Variants in EYS observed in about 807,000 individuals in gnomAD.
EYS encodes protein eyes shut homolog.
Under a neutral mutation model 282.1 loss-of-function variants are expected in EYS, and 250 were observed. The ratio of observed to expected loss-of-function variants is 0.89; its 90% CI spans 0.80 to 0.98. The LOEUF (loss-of-function observed/expected upper bound fraction) is 0.98, where lower values mean the gene tolerates loss of function less well. Among genes scored for constraint, EYS ranks in the 50% least tolerant of loss-of-function variants. The pLI is 0.00. For synonymous variants in EYS, 1,355 were observed against 1,282.9 expected (o/e 1.06, Z -1.20); for missense variants, 4,016 against 3,709.0 (o/e 1.08, Z -2.15).
At chr6:64,392,080 C>T (rs1369501136) in intron 28 of EYS, among the ~76,000 whole-genome samples, 1 of 151,914 alleles carries the variant, frequency 6.6e-6, no homozygotes, top group Non-Finnish European at 1.5e-5. Flanking sequence ...AGCTAACTAT[C>T]CTAAATATAT....
intron 31 of EYS, among the ~76,000 whole-genome samples, chr6:64,205,195 G>C (rs1423106514): frequency 6.6e-6 from 1 of 152,032 alleles, no homozygotes; most frequent in Non-Finnish European, 1.5e-5. Flanking sequence ...TATTTCCATA[G>C]AAACCAAAAA....
intron 2 of EYS, among the ~76,000 whole-genome samples, chr6:65,568,682 G>A (rs13203580): frequency 0.1 from 15,768 of 152,158 alleles, 985 homozygotes; most frequent in South Asian, 0.19. Flanking sequence ...CTTTTGTTTC[G>A]AAAGTGGCTC....
At chr6:65,594,900 G>T (rs1275608462) in intron 2 of EYS, among the ~76,000 whole-genome samples, 1 of 152,018 alleles carries the variant, frequency 6.6e-6, no homozygotes, top group Non-Finnish European at 1.5e-5. Flanking sequence ...AGTTTTCCCA[G>T]CACCATTTAT....
intron 36 of EYS, among the ~76,000 whole-genome samples, chr6:63,834,937 C>T (rs143225493): frequency 1.4e-3 from 216 of 151,152 alleles, no homozygotes; most frequent in Non-Finnish European, 2.3e-3. Flanking sequence ...TCATTCTGAA[C>T]ACACTATGGC....
chr6:64,224,815 A>G (rs1239141381), intron 31 of EYS, among the ~76,000 whole-genome samples: 1 of 149,822 alleles, frequency 6.7e-6, no homozygotes, highest in Non-Finnish European at 1.5e-5. Context: ...CACACATGCT[A>G]TGAATGCCTT....
chr6:65,519,707 TA>T lies in EYS; in HGVS notation c.-332-23715del, dbSNP rs1162325093. On this transcript the variant is annotated intron_variant, in intron 2 of 42. Transcript: ENST00000503581. ...ATAACTATATATATATATATATATA[TA>T]TTTTTTTTTTTTTTTTTTTTTTTTT... is the stretch of plus-strand genomic sequence containing the variant. Among the ~76,000 whole-genome samples, 137 of 48,818 alleles carry T rather than the reference TA, an allele frequency of 2.8e-3. 3 individuals are homozygous for T. The highest frequency in any genetic ancestry group is 9.8e-3 in the Middle Eastern group (1 of 102). 32.0% of individuals were successfully genotyped at this position (48,818 alleles called of 152,430 possible). A position where few individuals can be genotyped will look rare whatever the true frequency, so the allele number is the denominator to read the frequency against.
intron 9 of EYS, 108 bp downstream of exon 9, chr6:65,353,350 A>C (rs1293536032): frequency 2.1e-6 from 2 of 937,766 alleles, no homozygotes; most frequent in African/African-American, 3.4e-5. Context: ...TTTAGTTTAT[A>C]TTACGTTTTG....
chr6:65,335,210 T>C (rs762835923), intron 10 of EYS, 64 bp from the exon 11 acceptor site: 13 of 1,183,604 alleles, frequency 1.1e-5, no homozygotes, highest in Non-Finnish European at 1.6e-5. Context: ...ATTACAATTG[T>C]GACCTGAGAG....
intron 26 of EYS, among the ~76,000 whole-genome samples, chr6:64,540,667 A>G (rs1764673527): frequency 6.6e-6 from 1 of 151,858 alleles, no homozygotes; most frequent in Non-Finnish European, 1.5e-5. Context: ...TATTTTTAGC[A>G]GATACGGGGT....
At chr6:64,320,559 CTTAT>C (rs1036325936) in intron 29 of EYS, among the ~76,000 whole-genome samples, 1 of 151,510 alleles carries the variant, frequency 6.6e-6, no homozygotes, top group African/African-American at 2.4e-5. Context: ...ATACTAGATT[CTTAT>C]TTTTTAGTTT....
intron 30 of EYS, among the ~76,000 whole-genome samples, chr6:64,269,368 T>G (rs188759519): frequency 1.1e-4 from 16 of 152,194 alleles, no homozygotes; most frequent in Admixed American, 6.5e-5. Flanking sequence ...AAAATAAAAA[T>G]AATTTGTTGA....
intron 15 of EYS, among the ~76,000 whole-genome samples, chr6:64,936,147 CCA>C (rs1768898785): frequency 6.6e-6 from 1 of 151,384 alleles, no homozygotes; most frequent in Admixed American, 6.6e-5. Flanking sequence ...AAATAGAAAA[CCA>C]CTAAATGCAA....
intron 22 of EYS, among the ~76,000 whole-genome samples, chr6:64,655,564 T>C (rs1248695852): frequency 1.3e-5 from 2 of 152,026 alleles, no homozygotes; most frequent in African/African-American, 2.4e-5. Context: ...ATAAAGATAA[T>C]GTTTGCTATA....
intron 29 of EYS, among the ~76,000 whole-genome samples, chr6:64,338,892 C>A (rs952892274): frequency 6.6e-6 from 1 of 151,972 alleles, no homozygotes; most frequent in Non-Finnish European, 1.5e-5. Context: ...GAAAGGACAC[C>A]CTTTTTAACA....
chr6:64,785,037 G>C (rs1773974871), intron 22 of EYS, among the ~76,000 whole-genome samples: 1 of 152,012 alleles, frequency 6.6e-6, no homozygotes, highest in Non-Finnish European at 1.5e-5. Context: ...GAGCTGAGAG[G>C]AACTCCTGAA....
At chr6:65,073,414 T>C (rs1433527505) in intron 12 of EYS, among the ~76,000 whole-genome samples, 1 of 151,674 alleles carries the variant, frequency 6.6e-6, no homozygotes, top group Non-Finnish European at 1.5e-5. Context: ...CTGAAGTATA[T>C]CCTAGATAAA....
At chr6:65,106,635 A>G (rs1160822417) in intron 12 of EYS, among the ~76,000 whole-genome samples, 1 of 152,030 alleles carries the variant, frequency 6.6e-6, no homozygotes, top group Non-Finnish European at 1.5e-5. Flanking sequence ...AAGCGTCCTT[A>G]TATAACTCTG....
chr6:64,673,890 A>G lies in EYS; in HGVS notation c.3444-47645T>C, dbSNP rs567057133. ...GTACTTTGCACTATTAGAAAAATTT[A>G]TGTTTTAAATAAAATCAGCATGTAA... On this transcript the variant is annotated intron_variant, in intron 22 of 42. Transcript: ENST00000503581. 9.3e-4 allele frequency among the ~76,000 whole-genome samples: 141 copies of G among 152,226 alleles called. 1 individual carries two copies. Among genetic ancestry groups the G allele is most frequent in the Non-Finnish European group, 1.7e-3 (113 of 67,928 alleles).
intron 22 of EYS, among the ~76,000 whole-genome samples, chr6:64,699,682 A>G (rs954332286): frequency 4.6e-5 from 7 of 151,938 alleles, no homozygotes; most frequent in African/African-American, 1.7e-4. Context: ...AATAACAAGT[A>G]ATGACACTGA....
Sources: gnomAD v4.1 joint callset for allele counts (sites outside exome capture counted in the v4.1 genomes callset) on GRCh38, gnomAD v4.1.1 for gene constraint, MANE v1.5 for transcripts, NCBI Gene and HGNC (gene_info 2026-07-23, HGNC 2026-07-21) for gene names.